Variants in CSMD1 observed in about 807,000 individuals in gnomAD.
CSMD1 encodes CUB and sushi domain-containing protein 1.
A neutral mutation model predicts 417.5 loss-of-function variants in CSMD1; 213 were observed. The ratio of observed to expected loss-of-function variants is 0.51; its 90% CI spans 0.46 to 0.57. CSMD1 has a LOEUF of 0.57. CSMD1 is among the 20% of genes least tolerant of loss of function. The pLI, the probability that CSMD1 is intolerant of heterozygous loss-of-function variation, is 0.00. For missense variants in CSMD1, 6,923 were observed against 4,529.7 expected, an observed-to-expected ratio of 1.53 and a Z score of -15.17; for synonymous variants, 2,862 against 1,736.8, an observed-to-expected ratio of 1.65 and a Z score of -16.11.
chr8:3,294,522 C>A (rs137962113), intron 25 of CSMD1, among the ~76,000 whole-genome samples: 1 of 151,922 alleles, frequency 6.6e-6, no homozygotes, highest in Non-Finnish European at 1.5e-5. Context: ...TTGGCAATGG[C>A]GGGCGCCCCT....
At chr8:4,345,330 T>G (rs893984757) in intron 3 of CSMD1, among the ~76,000 whole-genome samples, 1 of 152,164 alleles carries the variant, frequency 6.6e-6, no homozygotes, top group Non-Finnish European at 1.5e-5. Flanking sequence ...ATAAATCTTT[T>G]CCTTGCTTGG....
chr8:3,139,136 G>A (rs1000490896), intron 41 of CSMD1, among the ~76,000 whole-genome samples: 2 of 152,256 alleles, frequency 1.3e-5, no homozygotes, highest in African/African-American at 2.4e-5. Context: ...CAGTGCCTGC[G>A]TCATTCCCAG....
intron 4 of CSMD1, among the ~76,000 whole-genome samples, chr8:4,024,647 G>C (rs73183913): frequency 0.015 from 2,225 of 152,114 alleles, 23 homozygotes; most frequent in South Asian, 0.033. Flanking sequence ...TGCATTTATG[G>C]GCCTCAGCAT....
At chr8:3,221,027 T>TGTTG (rs1180637047) in intron 28 of CSMD1, among the ~76,000 whole-genome samples, 3 of 138,040 alleles carry the variant, frequency 2.2e-5, no homozygotes, top group Non-Finnish European at 1.6e-5. Flanking sequence ...GGTTTTTGCT[T>TGTTG]GTTGGTTTGT....
At chr8:3,179,841 A>C (rs973214429) in intron 37 of CSMD1, among the ~76,000 whole-genome samples, 9 of 152,234 alleles carry the variant, frequency 5.9e-5, no homozygotes, top group Non-Finnish European at 1.3e-4. Flanking sequence ...TTATACTGTC[A>C]CTGAAGTAGT....
At chr8:4,943,365 G>A (rs1211581775) in intron 1 of CSMD1, among the ~76,000 whole-genome samples, 1 of 151,908 alleles carries the variant, frequency 6.6e-6, no homozygotes, top group Non-Finnish European at 1.5e-5. Context: ...GCGTGGTGGT[G>A]GACGCCTGTA....
intron 3 of CSMD1, among the ~76,000 whole-genome samples, chr8:4,355,884 A>C (rs1217788515): frequency 1.3e-5 from 2 of 152,172 alleles, no homozygotes; most frequent in Admixed American, 1.3e-4. Flanking sequence ...TTGCCATTTA[A>C]ACAGCGCAGG....
intron 49 of CSMD1, among the ~76,000 whole-genome samples, chr8:3,062,900 A>C (rs1290020140): frequency 6.6e-6 from 1 of 152,230 alleles, no homozygotes; most frequent in Non-Finnish European, 1.5e-5. Flanking sequence ...CAAAAGAGAC[A>C]GGTACAAACA....
Position 3,556,268 on chromosome 8 carries a change from C to T in CSMD1, c.1344+18677G>A, listed in dbSNP as rs938271094. ...TGTTTTTTGGTACCCATTAACCACCCTCACCTCCCTACAACCCCCACTACC... is the reference window on the plus strand; with the variant it reads ...TGTTTTTTGGTACCCATTAACCACCTTCACCTCCCTACAACCCCCACTACC... On this transcript the variant is annotated intron_variant, in intron 10 of 69. Coordinates refer to ENST00000635120, the MANE Select transcript of CSMD1 (RefSeq NM_033225.6). Among the ~76,000 whole-genome samples, 32 of 151,164 alleles carry T rather than the reference C, an allele frequency of 2.1e-4. No individual in the cohort carries two copies. The East Asian group carries it at 5.9e-3, about 28-fold the overall frequency.
At chr8:4,580,078 T>C (rs912429615) in intron 2 of CSMD1, among the ~76,000 whole-genome samples, 1 of 152,262 alleles carries the variant, frequency 6.6e-6, no homozygotes. Context: ...TTTGTTTCTA[T>C]ATTTAAAGAG....
rs150602194 is a variant in CSMD1 at position 3,440,037 on chromosome 8, C to A, written c.1561+28675G>T. On this transcript the variant is annotated intron_variant, in intron 12 of 69. Transcript: ENST00000635120. ...TGTGTCTGCCCTTCCACCAACACCACATGGTCTTGATTACTGGAGCTATAT... is the reference window on the plus strand; with the variant it reads ...TGTGTCTGCCCTTCCACCAACACCAAATGGTCTTGATTACTGGAGCTATAT... 6.7e-4 allele frequency among the ~76,000 whole-genome samples: 102 copies of A among 152,304 alleles called. 1 individual carries two copies. In the East Asian group the frequency reaches 0.019, roughly 28 times the overall value.
intron 2 of CSMD1, among the ~76,000 whole-genome samples, chr8:4,506,619 G>A (rs1802540580): frequency 6.6e-6 from 1 of 152,158 alleles, no homozygotes; most frequent in East Asian, 1.9e-4. Context: ...ACTTTCACAT[G>A]AGCAACAAAC....
intron 2 of CSMD1, among the ~76,000 whole-genome samples, chr8:4,483,111 A>C (rs1801187744): frequency 6.6e-6 from 1 of 152,126 alleles, no homozygotes; most frequent in Non-Finnish European, 1.5e-5. Context: ...AGTCTCCCCC[A>C]TACTGTTCTC....
Position 4,327,586 on chromosome 8 carries a change from A to G in CSMD1, c.415+92367T>C, listed in dbSNP as rs148390572. Reference sequence around the variant, plus strand: ...GGCGCTCATCACTGTCACTCATACTACAAAGATGTTACCAAGTCAGAAAGG... The same window carrying G: ...GGCGCTCATCACTGTCACTCATACTGCAAAGATGTTACCAAGTCAGAAAGG... On this transcript the variant is annotated intron_variant, in intron 3 of 69. Transcript: ENST00000635120. Among the ~76,000 whole-genome samples, 11 of 152,212 alleles carry G rather than the reference A, an allele frequency of 7.2e-5. 1 individual carries two copies. The highest frequency in any genetic ancestry group is 2.6e-4 in the African/African-American group (11 of 41,542).
At chr8:4,582,837 C>T (rs894543599) in intron 2 of CSMD1, among the ~76,000 whole-genome samples, 6 of 152,192 alleles carry the variant, frequency 3.9e-5, no homozygotes, top group East Asian at 3.9e-4. Flanking sequence ...GGGAGAGGCG[C>T]GAGTGGGAAC....
intron 5 of CSMD1, among the ~76,000 whole-genome samples, chr8:3,845,818 TTTC>T (rs1204248156): frequency 6.6e-6 from 1 of 151,966 alleles, no homozygotes; most frequent in Admixed American, 6.6e-5. Flanking sequence ...TTCTATGTGC[TTTC>T]TTCTATTTAA....
At chr8:2,966,474 AT>A (rs1291856781) in intron 58 of CSMD1, 95 bp downstream of exon 58, 1 of 1,094,278 alleles carries the variant, frequency 9.1e-7, no homozygotes, top group Non-Finnish European at 1.3e-6. Context: ...TGAATTAAAA[AT>A]AAAAAAACAG....
rs76729080 is a variant in CSMD1, at chr8:4,604,490, C to T, written c.302+32852G>A. On this transcript the variant is annotated intron_variant, in intron 2 of 69. Transcript: ENST00000635120. ...GAATTTGTCCCGCTTCATTTCTTCTCGTGGTCATTAGCTTCTGACTTGATT... is the reference window on the plus strand; with the variant it reads ...GAATTTGTCCCGCTTCATTTCTTCTTGTGGTCATTAGCTTCTGACTTGATT... Among the ~76,000 whole-genome samples the T allele has an allele frequency of 8.8e-3, 1,332 of 151,698 alleles. 18 individuals carry two copies. Among genetic ancestry groups the T allele is most frequent in the African/African-American group, 0.031 (1,285 of 41,314 alleles).
At chr8:3,888,151 T>G (rs770716922) in intron 5 of CSMD1, among the ~76,000 whole-genome samples, 8 of 152,190 alleles carry the variant, frequency 5.3e-5, no homozygotes, top group Non-Finnish European at 8.8e-5. Context: ...ATCATTTGTA[T>G]GCAATGTTCG....
Sources: allele counts gnomAD v4.1 joint callset (sites outside exome capture counted in the v4.1 genomes callset), GRCh38; gene constraint gnomAD v4.1.1; transcripts MANE v1.5; gene names NCBI Gene and HGNC (gene_info 2026-07-23, HGNC 2026-07-21).